The following DLGAP1 variants were observed in gnomAD, a reference collection of about 807,000 sequenced individuals.
The protein encoded by DLGAP1 is DLG associated protein 1, also known as disks large-associated protein 1.
A neutral mutation model predicts 90.8 loss-of-function variants in DLGAP1; 11 were observed. The observed-to-expected ratio is 0.12, with a 90% confidence interval of 0.08 to 0.20. DLGAP1 has a LOEUF of 0.20. Among genes scored for constraint, DLGAP1 ranks in the 10% least tolerant of loss-of-function variants. The probability of loss-of-function intolerance (pLI) is 1.00; values close to 1 mark genes in which losing one functional copy is unlikely to be tolerated. For missense variants in DLGAP1, 1,050 were observed against 1,333.8 expected (o/e 0.79, Z 3.31); for synonymous variants, 558 against 540.7 (o/e 1.03, Z -0.44).
intron 2 of DLGAP1, among the ~76,000 whole-genome samples, chr18:4,007,453 A>C (rs112196298): frequency 0.09 from 13,627 of 152,154 alleles, 1,763 homozygotes; most frequent in African/African-American, 0.28. Flanking sequence ...TCAGGAGTTC[A>C]AGACCAGCCT....
rs1466381521 is a variant in DLGAP1 at position 3,526,540 on chromosome 18, T to C, written c.2479+7654A>G. Among the ~76,000 whole-genome samples the C allele has an allele frequency of 1.3e-5, 2 of 152,250 alleles. No individual in the cohort carries two copies. The highest frequency in any genetic ancestry group is 2.9e-5 in the Non-Finnish European group (2 of 68,040). The stretch of plus-strand genomic sequence containing the variant: ...CCAGGCAAAATTAAAGTGGAAGAAT[T>C]AATCTGCCTCCGGCACATGCTCTAG... On this transcript the variant is annotated intron_variant, in intron 10 of 12. Coordinates refer to ENST00000315677, the MANE Select transcript of DLGAP1 (RefSeq NM_004746.4). This position sits in a 1 kb window ranked among gnomAD's most constrained non-coding sequence, Gnocchi z 4.7.
rs2064686494 is a variant in DLGAP1 at position 3,772,368 on chromosome 18, CTTT to C, written c.1173-29859_1173-29857del. On this transcript the variant is annotated intron_variant, in intron 5 of 12. Coordinates refer to ENST00000315677, the MANE Select transcript of DLGAP1 (RefSeq NM_004746.4). The stretch of plus-strand genomic sequence containing the variant: ...TCTCTCTTTCTTTCTTTCTTTCTTT[CTTT>C]CTTTCTTTCTTTCTTTCTTTCTTTC... 1.1e-3 allele frequency among the ~76,000 whole-genome samples: 15 copies of C among 13,170 alleles called. 1 individual carries two copies. The highest frequency in any genetic ancestry group is 3.0e-3 in the South Asian group (1 of 330). The allele number at this position is 13,170 out of a possible 152,430, so 8.6% of individuals were successfully genotyped here.
intron 1 of DLGAP1, among the ~76,000 whole-genome samples, chr18:4,155,977 A>G (rs1430045092): frequency 6.6e-6 from 1 of 152,208 alleles, no homozygotes; most frequent in East Asian, 1.9e-4. Context: ...GCTGAGGAGC[A>G]GTCAGATCCA....
intron 3 of DLGAP1, chr18:3,977,754 C>T (rs2073626430): frequency 1.7e-5 from 6 of 354,406 alleles, no homozygotes; most frequent in South Asian, 1.5e-4. Flanking sequence ...GGGCAATGCC[C>T]ACCCCAGCTT....
intron 7 of DLGAP1, among the ~76,000 whole-genome samples, chr18:3,618,807 C>T (rs1177026269): frequency 6.0e-5 from 9 of 149,594 alleles, no homozygotes; most frequent in Middle Eastern, 7.1e-3. Context: ...GGTGAAGTGG[C>T]GGGTGCCTGT....
At chr18:4,317,589 T>C (rs1201472945) in intron 1 of DLGAP1, among the ~76,000 whole-genome samples, 1 of 152,230 alleles carries the variant, frequency 6.6e-6, no homozygotes, top group African/African-American at 2.4e-5. Context: ...CTTTCATGAA[T>C]AACTGTTTCA....
At chr18:4,175,005 A>G (rs957031372) in intron 1 of DLGAP1, among the ~76,000 whole-genome samples, 2 of 152,020 alleles carry the variant, frequency 1.3e-5, no homozygotes, top group Admixed American at 6.6e-5. Flanking sequence ...TATCCAGTCT[A>G]TCACAATGGT....
At chr18:3,874,165 T>C in intron 4 of DLGAP1, 4 of 1,550,078 alleles carry the variant, frequency 2.6e-6, no homozygotes, top group Non-Finnish European at 3.5e-6. Flanking sequence ...TGGTCAGTCC[T>C]TCCATTTCTT....
chr18:3,661,867 C>T (rs1448861568), intron 7 of DLGAP1, among the ~76,000 whole-genome samples: 1 of 152,038 alleles, frequency 6.6e-6, no homozygotes, highest in African/African-American at 2.4e-5. Flanking sequence ...CAGGAGTTAG[C>T]CACTGCTCCC....
chr18:3,761,233 G>A (rs879711026), intron 5 of DLGAP1, among the ~76,000 whole-genome samples: 3 of 151,990 alleles, frequency 2.0e-5, no homozygotes, highest in African/African-American at 7.3e-5. Flanking sequence ...CATTAGACAC[G>A]AACTCCCCGT....
chr18:4,349,146 T>C (rs1208994447), intron 1 of DLGAP1, among the ~76,000 whole-genome samples: 1 of 152,168 alleles, frequency 6.6e-6, no homozygotes, highest in Non-Finnish European at 1.5e-5. Context: ...TCACCAGGAA[T>C]GAGACGTGTT....
At chr18:4,322,536 G>C (rs1057150026) in intron 1 of DLGAP1, among the ~76,000 whole-genome samples, 1 of 152,084 alleles carries the variant, frequency 6.6e-6, no homozygotes, top group African/African-American at 2.4e-5. Context: ...TGAAATTGTA[G>C]AACTGCTAGA....
chr18:3,988,479 G>A (rs1164972399), intron 3 of DLGAP1, among the ~76,000 whole-genome samples: 1 of 152,094 alleles, frequency 6.6e-6, no homozygotes, highest in Non-Finnish European at 1.5e-5. Context: ...TTGCATCACT[G>A]CCTCAGCTCC....
intron 3 of DLGAP1, among the ~76,000 whole-genome samples, chr18:3,904,196 T>G (rs1194620984): frequency 6.6e-6 from 1 of 152,242 alleles, no homozygotes; most frequent in Non-Finnish European, 1.5e-5. Context: ...CATGTTAGAC[T>G]GATCTCCTTT....
Position 3,835,872 on chromosome 18 carries a change from G to A in DLGAP1, c.958-21599C>T, listed in dbSNP as rs367970375. ...CCTTCCAATTATGTAGTGCCTCCCC[G>A]CCATCGCCATCATTCTTTTATCAAT... On this transcript the variant is annotated intron_variant, in intron 4 of 12. Transcript: ENST00000315677. Among the ~76,000 whole-genome samples the A allele has an allele frequency of 1.1e-4, 17 of 152,120 alleles. No homozygotes were observed. In the South Asian group the frequency reaches 1.5e-3, roughly 13 times the overall value.
chr18:4,014,308 C>T (rs576857711), intron 2 of DLGAP1, among the ~76,000 whole-genome samples: 1 of 152,228 alleles, frequency 6.6e-6, no homozygotes. Flanking sequence ...TGGTCTCGAT[C>T]TCTTGACCTT....
intron 1 of DLGAP1, among the ~76,000 whole-genome samples, chr18:4,433,609 T>C (rs1317965254): frequency 6.6e-6 from 1 of 152,328 alleles, no homozygotes; most frequent in East Asian, 1.9e-4. Flanking sequence ...CTCACACTCT[T>C]GCATGAATAA....
rs767760816 is a variant in DLGAP1, at chr18:3,977,434, G to GGTTTTTTTTTTTTTTTT, written c.-73+27681_-73+27682insAAAAAAAAAAAAAAAAC. Among the ~76,000 whole-genome samples the GGTTTTTTTTTTTTTTTT allele has an allele frequency of 2.2e-4, 21 of 95,330 alleles. 1 individual carries two copies. Among genetic ancestry groups the GGTTTTTTTTTTTTTTTT allele is most frequent in the African/African-American group, 4.6e-4 (11 of 23,944 alleles). 62.5% of individuals were successfully genotyped at this position (95,330 alleles called of 152,430 possible). A position where few individuals can be genotyped will look rare whatever the true frequency, so the allele number is the denominator to read the frequency against. On this transcript the variant is annotated intron_variant, in intron 3 of 12. Coordinates refer to ENST00000315677, the MANE Select transcript of DLGAP1 (RefSeq NM_004746.4). ...AGTTAATGAATTATGTTTATTCTGT[G>GGTTTTTTTTTTTTTTTT]TTTTTTTTTTTTTTTTTTTTGCTGA...
At chr18:3,725,032 G>T (rs933649762) in intron 7 of DLGAP1, among the ~76,000 whole-genome samples, 2 of 152,040 alleles carry the variant, frequency 1.3e-5, no homozygotes, top group South Asian at 4.1e-4. Flanking sequence ...ATCACAAAAA[G>T]TCTTAAATAC....
Sources: gnomAD v4.1 joint callset for allele counts (sites outside exome capture counted in the v4.1 genomes callset) on GRCh38, gnomAD v4.1.1 for gene constraint, Gnocchi (gnomAD v3.1) non-coding constraint, MANE v1.5 for transcripts, NCBI Gene and HGNC (gene_info 2026-07-23, HGNC 2026-07-21) for gene names.